Variants in MARCHF1 observed in about 807,000 individuals in gnomAD.
The protein encoded by MARCHF1 is E3 ubiquitin-protein ligase MARCHF1.
In MARCHF1, 40 loss-of-function variants were observed where a neutral mutation model predicts 54.2. The observed-to-expected ratio is 0.74, with a 90% CI of 0.57 to 0.96. MARCHF1 has a LOEUF of 0.96. MARCHF1 is among the 40% of genes least tolerant of loss of function. The probability of loss-of-function intolerance (pLI) is 0.00; values close to 1 mark genes in which losing one functional copy is unlikely to be tolerated. For missense variants in MARCHF1, 586 were observed against 656.5 expected, an observed-to-expected ratio of 0.89 and a Z score of 1.17; for synonymous variants, 236 against 236.3, an observed-to-expected ratio of 1.00 and a Z score of 0.01.
chr4:163,629,383 T>C (rs1741988222), intron 5 of MARCHF1, among the ~76,000 whole-genome samples: 1 of 152,152 alleles, frequency 6.6e-6, no homozygotes, highest in South Asian at 2.1e-4. Context: ...GATCCCTTTT[T>C]TACACCTTAT....
intron 4 of MARCHF1, among the ~76,000 whole-genome samples, chr4:163,701,569 G>T (rs947129489): frequency 6.6e-6 from 1 of 152,086 alleles, no homozygotes; most frequent in South Asian, 2.1e-4. Flanking sequence ...GGGCCCTCCC[G>T]TTTGAAGCCC....
chr4:164,189,382 T>G (rs2018210), intron 1 of MARCHF1: 1 of 644,470 alleles, frequency 1.6e-6, no homozygotes, highest in Non-Finnish European at 2.8e-6. Flanking sequence ...GGATCTGTTC[T>G]GGTCTACTAT....
chr4:163,635,310 C>G (rs1414708415), intron 5 of MARCHF1, among the ~76,000 whole-genome samples: 2 of 147,030 alleles, frequency 1.4e-5, no homozygotes, highest in Non-Finnish European at 1.5e-5. Flanking sequence ...AATCCAGGAG[C>G]TGGTTTTTTG....
intron 1 of MARCHF1, chr4:164,234,873 C>T (rs1379725412): frequency 1.3e-5 from 2 of 152,090 alleles, no homozygotes; most frequent in African/African-American, 2.4e-5. Flanking sequence ...TTCTACTCAG[C>T]GGTGCTATTG....
chr4:164,285,504 G>A (rs1039887376), intron 1 of MARCHF1, among the ~76,000 whole-genome samples: 7 of 151,804 alleles, frequency 4.6e-5, no homozygotes, highest in Admixed American at 2.6e-4. Context: ...GTGCAGTGGC[G>A]CGATCTCGGC....
chr4:164,247,604 T>C (rs1478522644), intron 1 of MARCHF1, among the ~76,000 whole-genome samples: 1 of 25,658 alleles, frequency 3.9e-5, no homozygotes, highest in Non-Finnish European at 9.5e-5. Flanking sequence ...ACTTAAAGTA[T>C]AATAATAAAA....
chr4:163,603,760 T>C (rs1295369514), intron 7 of MARCHF1, among the ~76,000 whole-genome samples: 1 of 151,986 alleles, frequency 6.6e-6, no homozygotes, highest in East Asian at 1.9e-4. Context: ...TTTACTTGTA[T>C]TGCAAAAAAA....
intron 4 of MARCHF1, among the ~76,000 whole-genome samples, chr4:163,724,713 G>T (rs749262070): frequency 2.0e-5 from 3 of 152,148 alleles, no homozygotes; most frequent in Non-Finnish European, 4.4e-5. Flanking sequence ...CATGGTGGGC[G>T]CCCCTCCCTC....
rs114591163 is a variant in MARCHF1, at chr4:163,815,829, T to G, written c.111+38192A>C. ...AGAAAAATCATAGAAGCCACCTGCT[T>G]AATAATTAATACAGAAACAGGGAAA... On this transcript the variant is annotated intron_variant, in intron 4 of 9. Transcript: ENST00000514618. 2.2e-3 allele frequency among the ~76,000 whole-genome samples: 337 copies of G among 152,298 alleles called. 2 individuals are homozygous for G. The highest frequency in any genetic ancestry group is 7.7e-3 in the African/African-American group (321 of 41,580).
chr4:163,777,638 C>T (rs1399437057), intron 4 of MARCHF1, among the ~76,000 whole-genome samples: 1 of 152,038 alleles, frequency 6.6e-6, no homozygotes, highest in Non-Finnish European at 1.5e-5. Flanking sequence ...TTTGTATTTT[C>T]ATTTTCTTAA....
intron 2 of MARCHF1, among the ~76,000 whole-genome samples, chr4:164,051,159 T>G (rs929044724): frequency 6.6e-6 from 1 of 152,152 alleles, no homozygotes; most frequent in African/African-American, 2.4e-5. Context: ...CCAATTGAAT[T>G]CCCAGATTTT....
intron 1 of MARCHF1, among the ~76,000 whole-genome samples, chr4:164,187,940 G>A (rs1731015582): frequency 6.6e-6 from 1 of 151,916 alleles, no homozygotes; most frequent in South Asian, 2.1e-4. Flanking sequence ...ATAAATTATT[G>A]TAAATGGCAA....
At chr4:163,725,216 G>A (rs756815932) in intron 4 of MARCHF1, among the ~76,000 whole-genome samples, 1 of 152,126 alleles carries the variant, frequency 6.6e-6, no homozygotes, top group African/African-American at 2.4e-5. Context: ...TAACATTATA[G>A]TTTATTTTAC....
At chr4:164,036,046 T>G (rs1753989142) in intron 2 of MARCHF1, among the ~76,000 whole-genome samples, 1 of 143,278 alleles carries the variant, frequency 7.0e-6, no homozygotes, top group Admixed American at 7.3e-5. Flanking sequence ...GAGGTTGCAG[T>G]GAGCCAAGAT....
chr4:163,847,856 C>T lies in MARCHF1; in HGVS notation c.111+6165G>A, dbSNP rs137949131. Among the ~76,000 whole-genome samples the T allele has an allele frequency of 7.1e-3, 1,088 of 152,298 alleles. 3 individuals are homozygous for T. The highest frequency in any genetic ancestry group is 0.017 in the Middle Eastern group (5 of 292). On this transcript the variant is annotated intron_variant, in intron 4 of 9. Coordinates refer to ENST00000514618, the MANE Select transcript of MARCHF1 (RefSeq NM_001394959.1). ...TCAGCCTCCCAAAATGCTGGGATTA[C>T]AGGCATGAGCCACTGCACCCGGCTG... is the stretch of plus-strand genomic sequence containing the variant.
At position 163,527,833 on chromosome 4, in the gene MARCHF1, A is replaced by ATCAAT. The variant is rs1553988841; in HGVS notation, c.*914_*915insATTGA. On this transcript the variant is annotated 3_prime_UTR_variant, in exon 10 of 10. Coordinates refer to ENST00000514618, the MANE Select transcript of MARCHF1 (RefSeq NM_001394959.1). ...ATGTAAACTATCAATCAATCAATCA[A>ATCAAT]TTTTTTATATTGATGACATGTTGAA... 8 of 141,096 alleles carry ATCAAT rather than the reference A, an allele frequency of 5.7e-5. No individual in the cohort carries two copies. The highest frequency in any genetic ancestry group is 2.2e-4 in the South Asian group (1 of 4,646). 8.7% of individuals were successfully genotyped at this position (141,096 alleles called of 1,614,324 possible).
At chr4:164,112,585 A>G (rs1358927368) in intron 1 of MARCHF1, among the ~76,000 whole-genome samples, 3 of 151,962 alleles carry the variant, frequency 2.0e-5, no homozygotes, top group African/African-American at 7.2e-5. Context: ...AAGTCAATGT[A>G]CATAGAGCTA....
chr4:164,043,567 G>C (rs1158181590), intron 2 of MARCHF1, among the ~76,000 whole-genome samples: 1 of 152,080 alleles, frequency 6.6e-6, no homozygotes, highest in Non-Finnish European at 1.5e-5. Context: ...GATGGGAGGT[G>C]CTGCTGTAAA....
At chr4:164,137,674 C>G (rs1553985424) in intron 1 of MARCHF1, among the ~76,000 whole-genome samples, 1 of 152,100 alleles carries the variant, frequency 6.6e-6, no homozygotes, top group Non-Finnish European at 1.5e-5. Flanking sequence ...ACATTAACCT[C>G]TTAATTTGGG....
Sources: gnomAD v4.1 joint callset for allele counts (sites outside exome capture counted in the v4.1 genomes callset) on GRCh38, gnomAD v4.1.1 for gene constraint, MANE v1.5 for transcripts, NCBI Gene and HGNC (gene_info 2026-07-23, HGNC 2026-07-21) for gene names.